Variants in LAMA2 observed in about 807,000 individuals in gnomAD.
The protein encoded by LAMA2 is laminin subunit alpha 2.
LAMA2 carries 269 observed loss-of-function variants against 364.8 expected under a neutral mutation model. The observed-to-expected ratio is 0.74, with a 90% CI of 0.67 to 0.82. LAMA2 has a LOEUF of 0.82. Among genes scored for constraint, LAMA2 ranks in the 40% least tolerant of loss-of-function variants. The pLI, the probability that LAMA2 is intolerant of heterozygous loss-of-function variation, is 0.00. For missense variants in LAMA2, 3,807 were observed against 3,873.2 expected (o/e 0.98, Z 0.45); for synonymous variants, 1,379 against 1,370.6 (o/e 1.01, Z -0.14).
At chr6:129,085,523 A>G (rs1448055743) in intron 3 of LAMA2, among the ~76,000 whole-genome samples, 1 of 152,144 alleles carries the variant, frequency 6.6e-6, no homozygotes, top group Non-Finnish European at 1.5e-5. Flanking sequence ...ATTTTCTCCA[A>G]TGGTAACATG....
chr6:129,287,785 A>G, intron 18 of LAMA2, 62 bp from the exon 19 acceptor site: 1 of 1,305,216 alleles, frequency 7.7e-7, no homozygotes, highest in Non-Finnish European at 1.1e-6. Context: ...AATGAAAAAT[A>G]TGTAAACATT....
At chr6:128,929,599 C>G in intron 1 of LAMA2, 14 of 1,331,660 alleles carry the variant, frequency 1.1e-5, no homozygotes, top group South Asian at 2.3e-5. Flanking sequence ...CCCCAGATGC[C>G]GCAAAAGCGC....
chr6:129,228,312 C>T (rs574476862), intron 12 of LAMA2, among the ~76,000 whole-genome samples: 2 of 152,238 alleles, frequency 1.3e-5, no homozygotes, highest in South Asian at 4.1e-4. Flanking sequence ...CTTTGGCTGA[C>T]ACTTGATGGG....
chr6:129,115,822 T>C (rs1054214255), intron 4 of LAMA2, among the ~76,000 whole-genome samples: 1 of 152,156 alleles, frequency 6.6e-6, no homozygotes, highest in Admixed American at 6.6e-5. Context: ...AATACATATC[T>C]GCCCACGTTG....
intron 4 of LAMA2, among the ~76,000 whole-genome samples, chr6:129,133,768 A>G (rs951525997): frequency 6.6e-6 from 1 of 152,166 alleles, no homozygotes; most frequent in Non-Finnish European, 1.5e-5. Context: ...CTATCCTGAA[A>G]TGCTGCTTCT....
At chr6:129,021,646 T>C (rs1445704543) in intron 1 of LAMA2, among the ~76,000 whole-genome samples, 1 of 152,166 alleles carries the variant, frequency 6.6e-6, no homozygotes. Context: ...TTTGAATAGC[T>C]CAGGCAAGAA....
At chr6:129,437,117 C>G (rs1325692038) in intron 41 of LAMA2, 1 of 151,982 alleles carries the variant, frequency 6.6e-6, no homozygotes, top group Non-Finnish European at 1.5e-5. Flanking sequence ...CCAAAATGCT[C>G]TACTAATCCC....
In LAMA2 at chr6:129,504,784, T is replaced by C. The variant is rs1033649713; in HGVS notation, c.8548-416T>C. On this transcript the variant is annotated intron_variant, in intron 60 of 64. Transcript: ENST00000421865. Reference sequence around the variant, plus strand: ...GCAAAGGGATGTAGCGTATCTGAAATTGTGTTGGGAGCCCAGGCTCTTTGC... The same window carrying C: ...GCAAAGGGATGTAGCGTATCTGAAACTGTGTTGGGAGCCCAGGCTCTTTGC... Among the ~76,000 whole-genome samples the C allele has an allele frequency of 3.3e-5, 5 of 152,330 alleles. No homozygotes were observed. The East Asian group carries it at 5.8e-4, about 18-fold the overall frequency.
At chr6:129,409,918 C>T (rs988945114) in intron 40 of LAMA2, among the ~76,000 whole-genome samples, 1 of 152,214 alleles carries the variant, frequency 6.6e-6, no homozygotes, top group African/African-American at 2.4e-5. Context: ...TCAATACAAT[C>T]AAGTTGGCAC....
chr6:129,281,089 C>T (rs117055467), intron 18 of LAMA2, among the ~76,000 whole-genome samples: 25 of 152,108 alleles, frequency 1.6e-4, no homozygotes, highest in Non-Finnish European at 2.8e-4. Context: ...GTGCCAATGA[C>T]AGTTCCTAGC....
intron 1 of LAMA2, among the ~76,000 whole-genome samples, chr6:128,902,972 T>C (rs187744824): frequency 3.0e-3 from 457 of 152,338 alleles, no homozygotes; most frequent in African/African-American, 0.01. Context: ...TTCATAAATA[T>C]GACCAGTCAC....
Position 129,401,325 on chromosome 6 carries a change from C to T in LAMA2, c.5547C>T (p.Ile1849=). The change falls in exon 38 of 65, where the codon ATC becomes ATT. Residue 1849 remains isoleucine (I), a synonymous_variant. Transcript: ENST00000421865. Reference sequence around the variant, plus strand: ...AAGCCAACCGTCTTGCAGATGAAATCAACTCCATCATAGACGTGAGTATTG... The same window carrying T: ...AAGCCAACCGTCTTGCAGATGAAATTAACTCCATCATAGACGTGAGTATTG... ...LDEANRLADE[I]NSIIDYVEDI... is the part of the protein sequence containing the mutation. 6.3e-7 allele frequency: 1 copy of T among 1,590,634 alleles called. No homozygotes were observed. The highest frequency in any genetic ancestry group is 8.6e-7 in the Non-Finnish European group (1 of 1,158,906).
At chr6:129,225,409 C>T (rs1784183654) in intron 12 of LAMA2, among the ~76,000 whole-genome samples, 1 of 152,088 alleles carries the variant, frequency 6.6e-6, no homozygotes, top group Admixed American at 6.6e-5. Flanking sequence ...TTCTCTAGTT[C>T]TTTTAATTGT....
intron 58 of LAMA2, among the ~76,000 whole-genome samples, chr6:129,502,324 A>T (rs1237393512): frequency 1.3e-5 from 2 of 152,250 alleles, no homozygotes; most frequent in African/African-American, 2.4e-5. Flanking sequence ...TTCTAAGAAT[A>T]GAGCTCTTCA....
chr6:129,235,165 G>T (rs571943164), intron 12 of LAMA2, among the ~76,000 whole-genome samples: 1 of 152,258 alleles, frequency 6.6e-6, no homozygotes, highest in East Asian at 1.9e-4. Context: ...GGGCCAAGGG[G>T]CTTAGAACCA....
intron 40 of LAMA2, among the ~76,000 whole-genome samples, chr6:129,423,575 A>C (rs1781184052): frequency 6.6e-6 from 1 of 152,066 alleles, no homozygotes; most frequent in Non-Finnish European, 1.5e-5. Context: ...ATCTATTAAA[A>C]AAAAGTTACT....
chr6:129,468,944 T>G (rs1393353881), intron 51 of LAMA2, among the ~76,000 whole-genome samples: 2 of 151,786 alleles, frequency 1.3e-5, no homozygotes, highest in Admixed American at 1.3e-4. Flanking sequence ...CTAAGTCCTT[T>G]TTTAGTTGAG....
At chr6:129,188,587 G>C (rs962391184) in intron 10 of LAMA2, among the ~76,000 whole-genome samples, 20 of 151,780 alleles carry the variant, frequency 1.3e-4, no homozygotes, top group African/African-American at 4.4e-4. Context: ...CAGTGCTTTG[G>C]GGATTTATTT....
chr6:128,965,024 C>T (rs1356193901), intron 1 of LAMA2, among the ~76,000 whole-genome samples: 1 of 151,894 alleles, frequency 6.6e-6, no homozygotes, highest in Non-Finnish European at 1.5e-5. Context: ...AAGAGGAGTC[C>T]CCTCATGAAC....
Sources: gnomAD v4.1 joint callset for allele counts (sites outside exome capture counted in the v4.1 genomes callset) on GRCh38, gnomAD v4.1.1 for gene constraint, MANE v1.5 for transcripts, NCBI Gene and HGNC (gene_info 2026-07-23, HGNC 2026-07-21) for gene names.